LIMCH1: variants seen among roughly 807,000 people sequenced by gnomAD.
The protein encoded by LIMCH1 is LIM and calponin homology domains-containing protein 1.
In LIMCH1, 113 loss-of-function variants were observed where a neutral mutation model predicts 176.5. That is an observed-to-expected ratio of 0.64 (90% CI 0.55 to 0.75). LIMCH1 has a LOEUF of 0.75. Ranked by LOEUF, LIMCH1 falls within the 30% of genes least tolerant of loss-of-function variation. LIMCH1 has a pLI of 0.00. For synonymous variants in LIMCH1, 619 were observed against 645.9 expected (o/e 0.96, Z 0.63); for missense variants, 1,674 against 1,814.9 (o/e 0.92, Z 1.41).
At chr4:41,433,549 A>T (rs894588711) in intron 1 of LIMCH1, among the ~76,000 whole-genome samples, 1 of 152,114 alleles carries the variant, frequency 6.6e-6, no homozygotes, top group Non-Finnish European at 1.5e-5. Context: ...CTGGTACCTC[A>T]GTGCTTCTCC....
chr4:41,642,737 C>CTTTTTTT (rs368906535), intron 14 of LIMCH1, among the ~76,000 whole-genome samples: 4 of 136,408 alleles, frequency 2.9e-5, no homozygotes, highest in Non-Finnish European at 4.6e-5. Flanking sequence ...TTTCTTTTTT[C>CTTTTTTT]TTTTTTTTTT....
chr4:41,422,291 G>A (rs1404598675), intron 1 of LIMCH1, among the ~76,000 whole-genome samples: 3 of 151,936 alleles, frequency 2.0e-5, no homozygotes, highest in Admixed American at 6.6e-5. Flanking sequence ...AGGTTCAAGC[G>A]ATTCTTGTGC....
intron 1 of LIMCH1, among the ~76,000 whole-genome samples, chr4:41,365,545 G>A (rs1056408010): frequency 1.3e-5 from 2 of 152,170 alleles, no homozygotes; most frequent in East Asian, 3.9e-4. Context: ...CCTCTGTAGG[G>A]ACTAGATTCT....
At chr4:41,525,293 C>T (rs2076526494) in intron 3 of LIMCH1, among the ~76,000 whole-genome samples, 2 of 152,194 alleles carry the variant, frequency 1.3e-5, no homozygotes, top group Admixed American at 1.3e-4. Context: ...TCGGTAATGA[C>T]TCACTGATTG....
intron 1 of LIMCH1, among the ~76,000 whole-genome samples, chr4:41,380,726 T>C (rs2055532334): frequency 6.6e-6 from 1 of 152,200 alleles, no homozygotes. Flanking sequence ...CTGGGCGATA[T>C]TGGCAGATCT....
chr4:41,368,428 A>T (rs1554015159), intron 1 of LIMCH1, among the ~76,000 whole-genome samples: 2 of 152,208 alleles, frequency 1.3e-5, no homozygotes, highest in Non-Finnish European at 2.9e-5. Context: ...AGATTAAACA[A>T]TACATATATA....
chr4:41,464,904 C>T (rs2065905887), intron 1 of LIMCH1, among the ~76,000 whole-genome samples: 1 of 152,060 alleles, frequency 6.6e-6, no homozygotes, highest in Admixed American at 6.5e-5. Flanking sequence ...AGTGAATTAT[C>T]TCTGAGGGTG....
At chr4:41,365,403 A>T (rs955609814) in intron 1 of LIMCH1, among the ~76,000 whole-genome samples, 1 of 152,252 alleles carries the variant, frequency 6.6e-6, no homozygotes. Flanking sequence ...AGACCAAAAG[A>T]TGCTTGTGTT....
intron 26 of LIMCH1, among the ~76,000 whole-genome samples, chr4:41,682,954 G>T (rs1241060728): frequency 2.0e-5 from 3 of 152,096 alleles, no homozygotes; most frequent in Non-Finnish European, 2.9e-5. Context: ...TGGGATTACA[G>T]GTGTGAGCCA....
intron 14 of LIMCH1, among the ~76,000 whole-genome samples, chr4:41,641,666 A>T (rs1013809823): frequency 2.6e-5 from 4 of 152,232 alleles, no homozygotes; most frequent in African/African-American, 9.6e-5. Flanking sequence ...TATAGACTGG[A>T]GGTGATTTTA....
intron 1 of LIMCH1, among the ~76,000 whole-genome samples, chr4:41,455,847 AC>A (rs1382567808): frequency 6.6e-6 from 1 of 152,056 alleles, no homozygotes; most frequent in African/African-American, 2.4e-5. Flanking sequence ...TTAAAGAAAG[AC>A]TCTTCGACCT....
intron 1 of LIMCH1, among the ~76,000 whole-genome samples, chr4:41,541,470 T>C (rs573209046): frequency 1.2e-4 from 18 of 152,344 alleles, no homozygotes; most frequent in Non-Finnish European, 2.9e-5. Flanking sequence ...TGTGAAACAT[T>C]CTATTTTAAT....
At chr4:41,657,137 G>A (rs1585431270) in intron 18 of LIMCH1, among the ~76,000 whole-genome samples, 2 of 152,346 alleles carry the variant, frequency 1.3e-5, no homozygotes, top group Admixed American at 1.3e-4. Context: ...CCAGCTCCTG[G>A]CTGAGTCCCA....
rs115375328 is a variant in LIMCH1 at position 41,365,713 on chromosome 4, C to T, written c.96+4777C>T. On this transcript the variant is annotated intron_variant, in intron 1 of 26. Transcript: ENST00000313860. ...AAATGAGAGCAGGCGGCATCTTTCT[C>T]ACAATGACATTTAAATAGTCTAGCT... 4.8e-3 allele frequency among the ~76,000 whole-genome samples: 732 copies of T among 152,336 alleles called. 6 individuals are homozygous for T. Among genetic ancestry groups the T allele is most frequent in the African/African-American group, 0.016 (685 of 41,564 alleles).
intron 1 of LIMCH1, among the ~76,000 whole-genome samples, chr4:41,591,591 A>G (rs1161130626): frequency 6.6e-6 from 1 of 152,196 alleles, no homozygotes; most frequent in East Asian, 1.9e-4. Flanking sequence ...AATGTATAAA[A>G]ATGAGAACTT....
At chr4:41,608,730 A>G (rs2091050069) in intron 4 of LIMCH1, among the ~76,000 whole-genome samples, 1 of 152,248 alleles carries the variant, frequency 6.6e-6, no homozygotes, top group Non-Finnish European at 1.5e-5. Flanking sequence ...CTGAGACTGG[A>G]TATGTCAGAA....
intron 3 of LIMCH1, 70 bp downstream of exon 3, chr4:41,603,975 C>T: frequency 7.6e-7 from 1 of 1,311,544 alleles, no homozygotes; most frequent in South Asian, 1.3e-5. Flanking sequence ...TTCAGTGTTT[C>T]TCATATGCCT....
chr4:41,576,120 A>T (rs2084422672), intron 1 of LIMCH1, among the ~76,000 whole-genome samples: 1 of 152,232 alleles, frequency 6.6e-6, no homozygotes, highest in African/African-American at 2.4e-5. Flanking sequence ...CACCGTCTGC[A>T]TAACCTGTTG....
At chr4:41,558,218 A>G (rs896107341) in intron 1 of LIMCH1, among the ~76,000 whole-genome samples, 4 of 152,032 alleles carry the variant, frequency 2.6e-5, no homozygotes, top group African/African-American at 9.7e-5. Context: ...ACTCTTCTCT[A>G]AAGAGTCATA....
Sources: gnomAD v4.1 joint callset for allele counts (sites outside exome capture counted in the v4.1 genomes callset) on GRCh38, gnomAD v4.1.1 for gene constraint, MANE v1.5 for transcripts, NCBI Gene and HGNC (gene_info 2026-07-23, HGNC 2026-07-21) for gene names.